GTF2H2C: variants seen among roughly 807,000 people sequenced by gnomAD.
GTF2H2C encodes GTF2H2 family member C.
A neutral mutation model predicts 24.8 loss-of-function variants in GTF2H2C; 5 were observed. That is an observed-to-expected ratio of 0.20 (90% CI 0.11 to 0.42). The LOEUF (loss-of-function observed/expected upper bound fraction) is 0.42. Among genes scored for constraint, GTF2H2C ranks in the 20% least tolerant of loss-of-function variants. The pLI is 1.00. For missense variants in GTF2H2C, 45 were observed against 169.8 expected, an observed-to-expected ratio of 0.27 and a Z score of 4.08; for synonymous variants, 14 against 52.6, an observed-to-expected ratio of 0.27 and a Z score of 3.18.
At chr5:69,563,767 C>T (rs1018931529) in intron 2 of GTF2H2C, among the ~76,000 whole-genome samples, 21 of 152,000 alleles carry the variant, frequency 1.4e-4, no homozygotes, top group Admixed American at 3.3e-4. Flanking sequence ...TTAGTTTCCA[C>T]TCGTAAATGA....
intron 1 of GTF2H2C, chr5:69,560,606 GGT>G (rs1301311919): frequency 6.8e-6 from 1 of 146,712 alleles, no homozygotes; most frequent in African/African-American, 2.5e-5. Context: ...AGCTTGGTAA[GGT>G]GTGAAGAAAA....
intron 3 of GTF2H2C, 131 bp downstream of exon 3, chr5:69,565,319 TTAA>T (rs1255115855): frequency 6.0e-6 from 2 of 333,176 alleles, no homozygotes; most frequent in African/African-American, 6.5e-5. Flanking sequence ...TGATGTTTTA[TTAA>T]TAATTTACTG....
intron 2 of GTF2H2C, among the ~76,000 whole-genome samples, chr5:69,564,756 A>G (rs1474420497): frequency 3.3e-5 from 5 of 149,640 alleles, no homozygotes; most frequent in Admixed American, 2.7e-4. Context: ...AATGAATCAC[A>G]TGTCACTCAG....
intron 2 of GTF2H2C, among the ~76,000 whole-genome samples, chr5:69,563,249 C>T (rs1408314685): frequency 7.7e-6 from 1 of 129,774 alleles, no homozygotes; most frequent in Admixed American, 8.6e-5. Flanking sequence ...GAGTCTTGCT[C>T]TGTCACCCAG....
intron 9 of GTF2H2C, among the ~76,000 whole-genome samples, chr5:69,573,145 T>TACACACACACACAC (rs779761105): frequency 1.7e-4 from 20 of 117,448 alleles, no homozygotes; most frequent in African/African-American, 5.6e-4. Flanking sequence ...CTATTATATA[T>TACACACACACACAC]ACACACACAC....
chr5:69,565,331 T>G (rs1281310203), intron 3 of GTF2H2C, 143 bp downstream of exon 3: 2 of 309,838 alleles, frequency 6.5e-6, no homozygotes, highest in Non-Finnish European at 1.1e-5. Context: ...AATAATTTAC[T>G]GAGCTGTGCA....
chr5:69,563,617 A>G (rs1366775271), intron 2 of GTF2H2C, among the ~76,000 whole-genome samples: 2 of 152,024 alleles, frequency 1.3e-5, no homozygotes, highest in Admixed American at 1.3e-4. Context: ...GAGGTTTGGT[A>G]TACAAATGAT....
chr5:69,568,742 G>A (rs1487013320), intron 8 of GTF2H2C: 5 of 93,596 alleles, frequency 5.3e-5, no homozygotes, highest in Admixed American at 1.0e-4. Flanking sequence ...TGATCAGCCC[G>A]CCTCAGCCTC....
chr5:69,563,645 A>G (rs62374260), intron 2 of GTF2H2C, among the ~76,000 whole-genome samples: 91,189 of 151,724 alleles, frequency 0.6, 30,933 homozygotes, highest in South Asian at 0.77. Flanking sequence ...CCCTGGTAGT[A>G]AACATAGTAC....
Position 69,594,214 on chromosome 5 carries a change from G to T in GTF2H2C, c.*2016G>T, listed in dbSNP as rs1401469912. On this transcript the variant is annotated 3_prime_UTR_variant, in exon 17 of 17. Coordinates refer to ENST00000380729, the MANE Select transcript of GTF2H2C (RefSeq NM_001376000.2). ...TGGGACTACAGGCGCCTGCCACCAC[G>T]CCTGGCTAATTTTTGCATTTTTGGT... is the stretch of plus-strand genomic sequence containing the variant. The T allele has an allele frequency of 1.2e-5, 1 of 86,154 alleles. No homozygotes were observed. The highest frequency in any genetic ancestry group is 2.5e-5 in the Non-Finnish European group (1 of 39,628). 5.3% of individuals were successfully genotyped at this position (86,154 alleles called of 1,614,324 possible). A position where few individuals can be genotyped will look rare whatever the true frequency, so the allele number is the denominator to read the frequency against.
At chr5:69,589,875 C>CTTTTTTTTTTTTT (rs1160077149) in intron 15 of GTF2H2C, among the ~76,000 whole-genome samples, 4 of 60,358 alleles carry the variant, frequency 6.6e-5, no homozygotes, top group African/African-American at 2.8e-4. Flanking sequence ...TATTGCTATT[C>CTTTTTTTTTTTTT]TTTTTTTTTT....
intron 15 of GTF2H2C, among the ~76,000 whole-genome samples, chr5:69,589,843 A>C (rs78119549): frequency 9.0e-6 from 1 of 111,670 alleles, no homozygotes; most frequent in African/African-American, 3.5e-5. Flanking sequence ...CCTTGTATAT[A>C]CTGTGGAATT....
intron 4 of GTF2H2C, 120 bp from the exon 5 acceptor site, chr5:69,566,469 A>T: frequency 6.6e-7 from 1 of 1,523,888 alleles, no homozygotes; most frequent in South Asian, 1.2e-5. Context: ...ACGTTATGAC[A>T]TTCTTAATCA....
At chr5:69,573,161 C>A (rs967128705) in intron 9 of GTF2H2C, among the ~76,000 whole-genome samples, 3 of 143,148 alleles carry the variant, frequency 2.1e-5, no homozygotes, top group African/African-American at 5.1e-5. Context: ...CACACACACA[C>A]ACACACACAC....
chr5:69,561,089 G>A (rs1300754549), intron 1 of GTF2H2C, among the ~76,000 whole-genome samples: 2 of 152,030 alleles, frequency 1.3e-5, no homozygotes, highest in African/African-American at 4.8e-5. Context: ...TGGACTGTTG[G>A]GAAGTGACAG....
At chr5:69,572,202 TAAAA>T (rs1385129253) in intron 8 of GTF2H2C, among the ~76,000 whole-genome samples, 1 of 145,314 alleles carries the variant, frequency 6.9e-6, no homozygotes, top group Non-Finnish European at 1.5e-5. Context: ...ATATTAAGAG[TAAAA>T]AAATGCACTC....
chr5:69,568,403 G>T, intron 8 of GTF2H2C, 196 bp downstream of exon 8: 2 of 547,942 alleles, frequency 3.7e-6, no homozygotes, highest in East Asian at 6.3e-5. Flanking sequence ...ATTGAGTTCT[G>T]CATCATAGTG....
intron 1 of GTF2H2C, among the ~76,000 whole-genome samples, chr5:69,562,312 G>A (rs1022526054): frequency 1.3e-5 from 2 of 151,894 alleles, no homozygotes; most frequent in African/African-American, 4.8e-5. Context: ...GTGAAACTCC[G>A]CCTTAAAACA....
rs1217535248 is a variant in GTF2H2C, at chr5:69,593,807, G to C, written c.*1609G>C. 1 of 19,926 alleles carries C rather than the reference G, an allele frequency of 5.0e-5. No individual in the cohort carries two copies. The highest frequency in any genetic ancestry group is 9.5e-5 in the Non-Finnish European group (1 of 10,538). 1.2% of individuals were successfully genotyped at this position (19,926 alleles called of 1,614,324 possible). On this transcript the variant is annotated 3_prime_UTR_variant, in exon 17 of 17. Coordinates refer to ENST00000380729, the MANE Select transcript of GTF2H2C (RefSeq NM_001376000.2). ...AAAAATTAGCTGGGCCTGGTGGCGG[G>C]CGCCTGTAGTCCCAGCTATTCGGAA...
Sources: allele counts gnomAD v4.1 joint callset (sites outside exome capture counted in the v4.1 genomes callset), GRCh38; gene constraint gnomAD v4.1.1; transcripts MANE v1.5; gene names NCBI Gene and HGNC (gene_info 2026-07-23, HGNC 2026-07-21).